The following SEPTIN9 variants were observed in gnomAD, a reference collection of about 807,000 sequenced individuals.
SEPTIN9 encodes the protein septin 9, also known as septin-9.
Under a neutral mutation model 56.6 loss-of-function variants are expected in SEPTIN9, and 13 were observed. The observed-to-expected ratio is 0.23, with a 90% CI of 0.15 to 0.37. The LOEUF is 0.37. SEPTIN9 is among the 10% of genes least tolerant of loss of function. The pLI is 1.00. For synonymous variants in SEPTIN9, 332 were observed against 334.1 expected (o/e 0.99, Z 0.07); for missense variants, 650 against 823.1 (o/e 0.79, Z 2.57).
intron 3 of SEPTIN9, among the ~76,000 whole-genome samples, chr17:77,412,639 T>C (rs1279954447): frequency 6.6e-6 from 1 of 151,820 alleles, no homozygotes; most frequent in Non-Finnish European, 1.5e-5. Flanking sequence ...TGTGGGAGGA[T>C]CATTTGAGTC....
rs1376970581 is a variant in SEPTIN9 at position 77,405,782 on chromosome 17, G to A, written c.721+3079G>A. 6.6e-6 allele frequency among the ~76,000 whole-genome samples: 1 copy of A among 152,154 alleles called. No individual in the cohort carries two copies. Among genetic ancestry groups the A allele is most frequent in the Non-Finnish European group, 1.5e-5 (1 of 68,022 alleles). ...CCCTCTCTGTGTCACGACCGTTCTGGACACGGATCCAGTTCTCTCCAACTC... is the reference window on the plus strand; with the variant it reads ...CCCTCTCTGTGTCACGACCGTTCTGAACACGGATCCAGTTCTCTCCAACTC... On this transcript the variant is annotated intron_variant, in intron 3 of 11. Coordinates refer to ENST00000427177, the MANE Select transcript of SEPTIN9 (RefSeq NM_001113491.2). The surrounding 1 kb of genome is among the most constrained non-coding windows in gnomAD (Gnocchi z 5.8).
intron 2 of SEPTIN9, among the ~76,000 whole-genome samples, chr17:77,398,791 G>C (rs1421578373): frequency 6.6e-6 from 1 of 152,222 alleles, no homozygotes; most frequent in Non-Finnish European, 1.5e-5. Flanking sequence ...GCGCCGTCCT[G>C]ATGGTGGGGT....
chr17:77,468,877 G>C (rs1279031385), intron 3 of SEPTIN9, among the ~76,000 whole-genome samples: 3 of 152,222 alleles, frequency 2.0e-5, no homozygotes, highest in African/African-American at 7.2e-5. Flanking sequence ...AGTGGATTCG[G>C]AGTAATGGAA....
Position 77,482,254 on chromosome 17 carries a change from T to C in SEPTIN9, c.832T>C (p.Tyr278His). ...RNEKAPVDFG[Y>H]VGIDSILEQM... ...CGAGAAGGCCCCGGTGGACTTCGGC[T>C]ACGTGGGGATTGACTCCATCCTGGA... Residue 278 changes from tyrosine (Y) to histidine (H), a missense_variant, in exon 4 of 12, where the codon TAC becomes CAC. Around this residue, in one of 2 missense-constraint regions of SEPTIN9, gnomAD observed 333 missense variants for 494.0 expected, o/e 0.67. Coordinates refer to ENST00000427177, the MANE Select transcript of SEPTIN9 (RefSeq NM_001113491.2). 1 of 1,613,158 alleles carries C rather than the reference T, an allele frequency of 6.2e-7. No homozygotes were observed. The highest frequency in any genetic ancestry group is 8.5e-7 in the Non-Finnish European group (1 of 1,179,872).
chr17:77,353,342 C>T (rs1015959406), intron 2 of SEPTIN9, among the ~76,000 whole-genome samples: 1 of 152,068 alleles, frequency 6.6e-6, no homozygotes, highest in East Asian at 1.9e-4. Context: ...TTTGAGTTCC[C>T]CCAAGATATG....
chr17:77,281,773 G>A, intron 1 of SEPTIN9: 1 of 508,668 alleles, frequency 2.0e-6, no homozygotes, highest in Non-Finnish European at 3.4e-6. Flanking sequence ...TTGCTCGAGT[G>A]TCGGAGGGGC....
chr17:77,420,892 G>GC (rs760995684), intron 3 of SEPTIN9, among the ~76,000 whole-genome samples: 130 of 152,290 alleles, frequency 8.5e-4, no homozygotes, highest in Middle Eastern at 6.8e-3. Context: ...CTTACCCCTT[G>GC]CCCTGCCCAA....
rs1025808453 is a variant in SEPTIN9 at position 77,345,862 on chromosome 17, G to A, written c.76+38665G>A. 2.6e-5 allele frequency among the ~76,000 whole-genome samples: 4 copies of A among 152,322 alleles called. No homozygotes were observed. In the South Asian group the frequency reaches 8.3e-4, roughly 32 times the overall value. On this transcript the variant is annotated intron_variant, in intron 2 of 11. Coordinates refer to ENST00000427177, the MANE Select transcript of SEPTIN9 (RefSeq NM_001113491.2). ...CAGTATCACGGAGCGGGGCCTGGCA[G>A]GATGTATGCAGAGTTAAGAGGCAAT...
intron 2 of SEPTIN9, among the ~76,000 whole-genome samples, chr17:77,394,688 C>T (rs1257337303): frequency 1.3e-5 from 2 of 152,204 alleles, no homozygotes; most frequent in Non-Finnish European, 2.9e-5. Context: ...TGTTCCCTCC[C>T]CAGACTGAGG....
In SEPTIN9 at chr17:77,352,836, T is replaced by A. The variant is rs117506171; in HGVS notation, c.76+45639T>A. Among the ~76,000 whole-genome samples, 2,859 of 152,230 alleles carry A rather than the reference T, an allele frequency of 0.019. 131 individuals are homozygous for A. The East Asian group carries it at 0.19, about 10-fold the overall frequency. On this transcript the variant is annotated intron_variant, in intron 2 of 11. Transcript: ENST00000427177. ...ACGCCACCATGCCTGGCTAATTTTT[T>A]AATTTTTTTGTAGAGACGAGGGCCC... is the stretch of plus-strand genomic sequence containing the variant.
intron 4 of SEPTIN9, chr17:77,482,840 G>T: frequency 2.1e-6 from 1 of 465,884 alleles, no homozygotes; most frequent in African/African-American, 1.9e-5. Flanking sequence ...GGAGGTCGTC[G>T]ATCAGCACGA....
At chr17:77,364,777 G>A (rs2034523403) in intron 2 of SEPTIN9, among the ~76,000 whole-genome samples, 1 of 152,246 alleles carries the variant, frequency 6.6e-6, no homozygotes, top group Non-Finnish European at 1.5e-5. Context: ...AAGCTCTGGA[G>A]CACCCAGAAG....
intron 2 of SEPTIN9, among the ~76,000 whole-genome samples, chr17:77,338,952 A>G (rs1815936123): frequency 2.0e-5 from 3 of 152,170 alleles, no homozygotes; most frequent in Admixed American, 6.5e-5. Flanking sequence ...AGTAGATCCC[A>G]TCTCCAGGAA....
In SEPTIN9 at chr17:77,429,197, G is replaced by C. The variant is rs1292969961; in HGVS notation, c.721+26494G>C. 6.4e-6 allele frequency: 3 copies of C among 471,996 alleles called. No homozygotes were observed. In the Admixed American group the frequency reaches 7.0e-5, roughly 11 times the overall value. The allele number at this position is 471,996 out of a possible 1,614,324, so 29.2% of individuals were successfully genotyped here. A position where few individuals can be genotyped will look rare whatever the true frequency, so the allele number is the denominator to read the frequency against. On this transcript the variant is annotated intron_variant, in intron 3 of 11. Coordinates refer to ENST00000427177, the MANE Select transcript of SEPTIN9 (RefSeq NM_001113491.2). The surrounding 1 kb of genome is among the most constrained non-coding windows in gnomAD (Gnocchi z 5.2). ...AGACCAAGGCTGAGGCCGAGGCTGA[G>C]GCTGAGGCCACCTTGGTGAGGAGGA... is the stretch of plus-strand genomic sequence containing the variant.
chr17:77,388,825 T>TTTTTTTG, intron 2 of SEPTIN9, among the ~76,000 whole-genome samples: 2 of 150,024 alleles, frequency 1.3e-5, no homozygotes, highest in Non-Finnish European at 1.5e-5. Flanking sequence ...TTTTTTTTTT[T>TTTTTTTG]TTTTTTTTTG....
intron 2 of SEPTIN9, among the ~76,000 whole-genome samples, chr17:77,311,219 G>A (rs1342351027): frequency 7.6e-6 from 1 of 131,906 alleles, no homozygotes; most frequent in Non-Finnish European, 1.5e-5. Flanking sequence ...GGCAAGGAAG[G>A]ACCCCCCCCC....
At chr17:77,440,794 C>T (rs2037520626) in intron 3 of SEPTIN9, among the ~76,000 whole-genome samples, 1 of 152,222 alleles carries the variant, frequency 6.6e-6, no homozygotes, top group South Asian at 2.1e-4. Context: ...AGCATTGCCT[C>T]CCAGAGGTTA....
At chr17:77,407,203 A>AC in intron 3 of SEPTIN9, among the ~76,000 whole-genome samples, 1 of 148,342 alleles carries the variant, frequency 6.7e-6, no homozygotes, top group Non-Finnish European at 1.5e-5. Flanking sequence ...GGACCACCTA[A>AC]GCATGGGAGG....
intron 2 of SEPTIN9, among the ~76,000 whole-genome samples, chr17:77,361,701 C>T (rs556712895): frequency 1.3e-5 from 2 of 151,724 alleles, no homozygotes. Flanking sequence ...GGCGCTATCT[C>T]GGCTCACTGC....
Sources: gnomAD v4.1 joint callset for allele counts (sites outside exome capture counted in the v4.1 genomes callset) on GRCh38, gnomAD v4.1.1 for gene constraint, gnomAD v4.1.1 regional missense constraint, Gnocchi (gnomAD v3.1) non-coding constraint, MANE v1.5 for transcripts, NCBI Gene and HGNC (gene_info 2026-07-23, HGNC 2026-07-21) for gene names.